Variants in ERBIN observed in about 807,000 individuals in gnomAD.
ERBIN encodes erbb2 interacting protein.
In ERBIN, 60 loss-of-function variants were observed where a neutral mutation model predicts 158.4. That is an observed-to-expected ratio of 0.38 (90% CI 0.31 to 0.47). The LOEUF is 0.47. Among genes scored for constraint, ERBIN ranks in the 20% least tolerant of loss-of-function variants. The probability of loss-of-function intolerance (pLI) is 0.99; values close to 1 mark genes in which losing one functional copy is unlikely to be tolerated. For missense variants in ERBIN, 1,610 were observed against 1,648.0 expected (o/e 0.98, Z 0.40); for synonymous variants, 594 against 557.2 (o/e 1.07, Z -0.93).
intron 21 of ERBIN, chr5:66,069,046 T>A: frequency 1.4e-6 from 2 of 1,455,354 alleles, no homozygotes; most frequent in African/African-American, 2.8e-5. Context: ...AGACCAATAC[T>A]TTTAGCTTGT....
chr5:65,935,890 A>G (rs568549311), intron 1 of ERBIN, among the ~76,000 whole-genome samples: 1 of 152,136 alleles, frequency 6.6e-6, no homozygotes, highest in Non-Finnish European at 1.5e-5. Context: ...ACGCCCAGCT[A>G]ATTTTTCTAT....
At chr5:66,026,588 C>G (rs1756280809) in intron 13 of ERBIN, among the ~76,000 whole-genome samples, 171 bp downstream of exon 13, 1 of 151,908 alleles carries the variant, frequency 6.6e-6, no homozygotes, top group Non-Finnish European at 1.5e-5. Flanking sequence ...AGTGAAACAA[C>G]ATACAATGAA....
chr5:66,016,936 A>G (rs1054529717), intron 7 of ERBIN, among the ~76,000 whole-genome samples: 2 of 151,930 alleles, frequency 1.3e-5, no homozygotes, highest in African/African-American at 4.8e-5. Flanking sequence ...TTTAGCTCGC[A>G]CATGTGAATG....
intron 1 of ERBIN, among the ~76,000 whole-genome samples, chr5:65,970,742 G>T (rs556260662): frequency 6.6e-6 from 1 of 152,054 alleles, no homozygotes; most frequent in South Asian, 2.1e-4. Context: ...ACGTACACCA[G>T]CATGCCTGGC....
chr5:65,928,311 C>G (rs142483818), intron 1 of ERBIN, among the ~76,000 whole-genome samples: 1 of 151,406 alleles, frequency 6.6e-6, no homozygotes, highest in East Asian at 1.9e-4. Flanking sequence ...GTCAAACTAG[C>G]TTTATCAAAG....
chr5:66,034,221 G>A (rs1004711271), intron 14 of ERBIN, among the ~76,000 whole-genome samples: 6 of 151,958 alleles, frequency 3.9e-5, no homozygotes, highest in African/African-American at 1.2e-4. Flanking sequence ...TGGGTATGAC[G>A]TTTGTGAAAG....
Position 66,063,309 on chromosome 5 carries a change from G to A in ERBIN, c.3633+8358G>A, listed in dbSNP as rs919583287. On this transcript the variant is annotated intron_variant, in intron 21 of 25. Transcript: ENST00000284037. ...TCAGACTGCTGTGCTAGCAATGAGCGAGGCTCCATGGGCGTAGGACCCTCC... is the reference window on the plus strand; with the variant it reads ...TCAGACTGCTGTGCTAGCAATGAGCAAGGCTCCATGGGCGTAGGACCCTCC... Among the ~76,000 whole-genome samples, 11 of 152,202 alleles carry A rather than the reference G, an allele frequency of 7.2e-5. No individual in the cohort carries two copies. The East Asian group carries it at 7.7e-4, about 11-fold the overall frequency.
intron 1 of ERBIN, among the ~76,000 whole-genome samples, chr5:65,974,726 A>C (rs953799351): frequency 2.0e-5 from 3 of 152,256 alleles, no homozygotes; most frequent in African/African-American, 7.2e-5. Context: ...AAGGTAGATA[A>C]GAGTTCGGGA....
chr5:65,940,401 G>C (rs1324016603), intron 1 of ERBIN, among the ~76,000 whole-genome samples: 1 of 142,276 alleles, frequency 7.0e-6, no homozygotes, highest in Admixed American at 6.8e-5. Flanking sequence ...CAGCCACCTC[G>C]TCCGGGAGGG....
At chr5:65,937,138 T>C (rs1217762728) in intron 1 of ERBIN, among the ~76,000 whole-genome samples, 1 of 152,234 alleles carries the variant, frequency 6.6e-6, no homozygotes, top group Non-Finnish European at 1.5e-5. Context: ...GTGTTCTACA[T>C]GGTTTTTATT....
intron 21 of ERBIN, among the ~76,000 whole-genome samples, chr5:66,069,727 C>G (rs1761357913): frequency 6.6e-6 from 1 of 152,204 alleles, no homozygotes; most frequent in Admixed American, 6.5e-5. Flanking sequence ...TTCCGCCCCT[C>G]TCCTTCAATC....
At chr5:65,939,383 G>A (rs146948846) in intron 1 of ERBIN, among the ~76,000 whole-genome samples, 4,266 of 152,240 alleles carry the variant, frequency 0.028, 99 homozygotes, top group Middle Eastern at 0.041. Flanking sequence ...GTTGCAGTGA[G>A]CCGAGGTTGC....
chr5:66,005,173 A>G (rs1185840792), intron 4 of ERBIN, among the ~76,000 whole-genome samples: 1 of 152,144 alleles, frequency 6.6e-6, no homozygotes, highest in Non-Finnish European at 1.5e-5. Context: ...ATAGTGATGG[A>G]CATAGTGAGA....
At chr5:65,947,933 G>A (rs536666634) in intron 1 of ERBIN, among the ~76,000 whole-genome samples, 4 of 151,672 alleles carry the variant, frequency 2.6e-5, no homozygotes, top group Non-Finnish European at 5.9e-5. Flanking sequence ...CTTGAACCTC[G>A]GAGGCGGAGG....
intron 20 of ERBIN, among the ~76,000 whole-genome samples, chr5:66,051,331 G>A (rs1272597607): frequency 1.3e-5 from 2 of 152,190 alleles, no homozygotes. Context: ...GGTTCATTCA[G>A]ATACTCTTGA....
chr5:66,043,052 G>A (rs1186550767), intron 15 of ERBIN, 25 bp from the exon 16 acceptor site: 3 of 1,520,550 alleles, frequency 2.0e-6, no homozygotes, highest in African/African-American at 2.8e-5. Flanking sequence ...AATATAGTAG[G>A]TTTTTGTTTT....
At chr5:65,976,753 C>T (rs2151001087) in intron 1 of ERBIN, among the ~76,000 whole-genome samples, 1 of 151,790 alleles carries the variant, frequency 6.6e-6, no homozygotes, top group South Asian at 2.1e-4. Context: ...ATCTGTTTAA[C>T]AAAGCACATC....
At chr5:66,018,380 G>T (rs1190285465) in intron 7 of ERBIN, among the ~76,000 whole-genome samples, 1 of 119,824 alleles carries the variant, frequency 8.3e-6, no homozygotes, top group African/African-American at 2.9e-5. Flanking sequence ...GATCTTTCAC[G>T]TCTTTACATT....
chr5:66,080,912 A>C lies in ERBIN; in HGVS notation c.*2382A>C, dbSNP rs1219952847. ...TTTACCAAGAGGAGTATTATAGCCA[A>C]GTTTTCTTTGAAAGTATTGGAAAAC... On this transcript the variant is annotated 3_prime_UTR_variant, in exon 26 of 26. Coordinates refer to ENST00000284037, the MANE Select transcript of ERBIN (RefSeq NM_001253697.2). 1 of 152,102 alleles carries C rather than the reference A, an allele frequency of 6.6e-6. No individual in the cohort carries two copies. The highest frequency in any genetic ancestry group is 1.5e-5 in the Non-Finnish European group (1 of 67,918). 9.4% of individuals were successfully genotyped at this position (152,102 alleles called of 1,614,324 possible). A position where few individuals can be genotyped will look rare whatever the true frequency, so the allele number is the denominator to read the frequency against.
Sources: gnomAD v4.1 joint callset for allele counts (sites outside exome capture counted in the v4.1 genomes callset) on GRCh38, gnomAD v4.1.1 for gene constraint, MANE v1.5 for transcripts, NCBI Gene and HGNC (gene_info 2026-07-23, HGNC 2026-07-21) for gene names.